The following KCNH8 variants were observed in gnomAD, a reference collection of about 807,000 sequenced individuals.
The protein encoded by KCNH8 is voltage-gated delayed rectifier potassium channel KCNH8.
Under a neutral mutation model 103.6 loss-of-function variants are expected in KCNH8, and 70 were observed. The observed-to-expected ratio is 0.68, with a 90% CI of 0.56 to 0.82. The LOEUF is 0.82. Among genes scored for constraint, KCNH8 ranks in the 40% least tolerant of loss-of-function variants. The probability of loss-of-function intolerance (pLI) is 0.00; values close to 1 mark genes in which losing one functional copy is unlikely to be tolerated. For missense variants in KCNH8, 1,217 were observed against 1,329.9 expected, an observed-to-expected ratio of 0.92 and a Z score of 1.32; for synonymous variants, 498 against 489.4, an observed-to-expected ratio of 1.02 and a Z score of -0.23.
At chr3:19,252,426 G>A (rs1405676175) in intron 1 of KCNH8, among the ~76,000 whole-genome samples, 1 of 150,306 alleles carries the variant, frequency 6.7e-6, no homozygotes, top group Non-Finnish European at 1.5e-5. Flanking sequence ...TTTCGCTCTT[G>A]TTGCCCAGGC....
intron 1 of KCNH8, among the ~76,000 whole-genome samples, chr3:19,223,910 G>T (rs145927043): frequency 1.5e-3 from 228 of 151,932 alleles, no homozygotes; most frequent in African/African-American, 5.1e-3. Flanking sequence ...ATTTTTTTCT[G>T]AGATAAAAAG....
intron 1 of KCNH8, among the ~76,000 whole-genome samples, chr3:19,181,070 T>G (rs890165022): frequency 6.6e-6 from 1 of 152,212 alleles, no homozygotes; most frequent in Admixed American, 6.5e-5. Context: ...TTTATGAAGT[T>G]GCTTTCTTTC....
At chr3:19,421,059 G>A (rs1275073105) in intron 7 of KCNH8, among the ~76,000 whole-genome samples, 2 of 151,962 alleles carry the variant, frequency 1.3e-5, no homozygotes, top group Admixed American at 6.6e-5. Flanking sequence ...TTATAGAATT[G>A]GTAGAATTTG....
chr3:19,355,025 A>C (rs529424498), intron 5 of KCNH8, among the ~76,000 whole-genome samples: 1 of 152,350 alleles, frequency 6.6e-6, no homozygotes, highest in African/African-American at 2.4e-5. Flanking sequence ...AAACTCAAAC[A>C]AATTTACAAG....
intron 1 of KCNH8, among the ~76,000 whole-genome samples, chr3:19,182,578 G>C (rs1182413594): frequency 6.6e-6 from 1 of 152,186 alleles, no homozygotes; most frequent in Non-Finnish European, 1.5e-5. Context: ...CAAGCTTTCA[G>C]CTTTTTTTCC....
chr3:19,418,793 A>G (rs1387112333), intron 7 of KCNH8, among the ~76,000 whole-genome samples: 1 of 152,230 alleles, frequency 6.6e-6, no homozygotes, highest in South Asian at 2.1e-4. Context: ...GATTTTCTTC[A>G]CAATCTTTGT....
At chr3:19,488,731 G>A (rs1043612820) in intron 11 of KCNH8, among the ~76,000 whole-genome samples, 1 of 152,042 alleles carries the variant, frequency 6.6e-6, no homozygotes, top group Non-Finnish European at 1.5e-5. Context: ...CCCATTGGGG[G>A]TCTGTTCCTT....
chr3:19,397,140 A>G (rs1409370389), intron 7 of KCNH8, among the ~76,000 whole-genome samples: 1 of 151,986 alleles, frequency 6.6e-6, no homozygotes, highest in African/African-American at 2.4e-5. Flanking sequence ...CAATTAAAAA[A>G]AAACAATCTG....
intron 1 of KCNH8, among the ~76,000 whole-genome samples, chr3:19,203,948 TAA>T (rs2063688122): frequency 6.6e-6 from 1 of 152,116 alleles, no homozygotes; most frequent in Admixed American, 6.6e-5. Context: ...CTATGTAAAA[TAA>T]GTGCCAATTT....
intron 1 of KCNH8, among the ~76,000 whole-genome samples, chr3:19,192,278 C>A (rs11927110): frequency 0.094 from 14,274 of 151,620 alleles, 2,233 homozygotes; most frequent in African/African-American, 0.32. Context: ...TCATGTAAGA[C>A]TTCCTACTTT....
At chr3:19,253,595 T>TC in intron 1 of KCNH8, 59 bp from the exon 2 acceptor site, 5 of 1,249,194 alleles carry the variant, frequency 4.0e-6, no homozygotes, top group South Asian at 1.2e-5. Flanking sequence ...ATACAGGAAT[T>TC]GTGTATAAAT....
chr3:19,297,884 C>A (rs925631183), intron 3 of KCNH8, among the ~76,000 whole-genome samples: 1 of 152,092 alleles, frequency 6.6e-6, no homozygotes, highest in Non-Finnish European at 1.5e-5. Flanking sequence ...CCAGAAGTAC[C>A]GCTGGCTAGC....
chr3:19,201,641 A>AT (rs2063664418), intron 1 of KCNH8, among the ~76,000 whole-genome samples: 2 of 151,800 alleles, frequency 1.3e-5, no homozygotes, highest in Non-Finnish European at 2.9e-5. Context: ...TTTAAATCTG[A>AT]TTTTTTCTGT....
Position 19,382,646 on chromosome 3 carries a change from T to C in KCNH8, c.812-7835T>C, listed in dbSNP as rs114803770. 2.8e-3 allele frequency among the ~76,000 whole-genome samples: 421 copies of C among 151,962 alleles called. 4 individuals are homozygous for C. The highest frequency in any genetic ancestry group is 9.5e-3 in the African/African-American group (393 of 41,478). ...CCCTGTTCGTCAGTTTTGAAGCCTA[T>C]AGAGTAGTAGTAACAGCAGTAGTAA... On this transcript the variant is annotated intron_variant, in intron 5 of 15. Coordinates refer to ENST00000328405, the MANE Select transcript of KCNH8 (RefSeq NM_144633.3).
chr3:19,345,369 T>C (rs1156708765), intron 4 of KCNH8, among the ~76,000 whole-genome samples: 2 of 152,068 alleles, frequency 1.3e-5, no homozygotes, highest in South Asian at 2.1e-4. Flanking sequence ...ATTCAGATGA[T>C]AGTTTCAAAG....
intron 3 of KCNH8, among the ~76,000 whole-genome samples, chr3:19,319,222 G>A (rs1436255507): frequency 6.6e-6 from 1 of 151,910 alleles, no homozygotes; most frequent in East Asian, 1.9e-4. Context: ...TGGGTTCTTG[G>A]TCATGAAGTC....
chr3:19,384,036 T>C (rs2066323088), intron 5 of KCNH8, among the ~76,000 whole-genome samples: 1 of 152,212 alleles, frequency 6.6e-6, no homozygotes, highest in African/African-American at 2.4e-5. Flanking sequence ...ATAGATAGTC[T>C]GTACACATGC....
chr3:19,417,916 G>T (rs1559318073), intron 7 of KCNH8, among the ~76,000 whole-genome samples: 1 of 152,122 alleles, frequency 6.6e-6, no homozygotes, highest in Admixed American at 6.5e-5. Flanking sequence ...GACAAATAAA[G>T]CCTGCCTCCT....
At chr3:19,368,473 G>C (rs1282527106) in intron 5 of KCNH8, among the ~76,000 whole-genome samples, 1 of 152,002 alleles carries the variant, frequency 6.6e-6, no homozygotes, top group Admixed American at 6.6e-5. Context: ...CCTGGAATGA[G>C]GAGGAGCTTA....
Sources: allele counts gnomAD v4.1 joint callset (sites outside exome capture counted in the v4.1 genomes callset), GRCh38; gene constraint gnomAD v4.1.1; transcripts MANE v1.5; gene names NCBI Gene and HGNC (gene_info 2026-07-23, HGNC 2026-07-21).